The following BACH1 variants were observed in gnomAD, a reference collection of about 807,000 sequenced individuals.
BACH1 encodes the protein BTB domain and CNC homolog 1.
BACH1 carries 35 observed loss-of-function variants against 52.9 expected under a neutral mutation model. The observed-to-expected ratio is 0.66, with a 90% CI of 0.51 to 0.88. The LOEUF is 0.88. Among genes scored for constraint, BACH1 ranks in the 40% least tolerant of loss-of-function variants. BACH1 has a pLI of 0.00. For missense variants in BACH1, 808 were observed against 872.6 expected (o/e 0.93, Z 0.93); for synonymous variants, 321 against 319.6 (o/e 1.00, Z -0.05).
intron 2 of BACH1, among the ~76,000 whole-genome samples, chr21:29,360,648 C>T (rs2089265542): frequency 6.6e-6 from 1 of 152,088 alleles, no homozygotes. Context: ...AGTTCAAGAC[C>T]AGTCTGGCCA....
chr21:29,308,509 C>T (rs1429974307), intron 1 of BACH1, among the ~76,000 whole-genome samples: 1 of 151,976 alleles, frequency 6.6e-6, no homozygotes, highest in African/African-American at 2.4e-5. Context: ...CTCCCTCCAC[C>T]CTCACCCCCC....
At position 29,358,467 on chromosome 21, in the gene BACH1, C is replaced by T. The variant is rs1394877737; in HGVS notation, c.472+28774C>T. Among the ~76,000 whole-genome samples, 9 of 152,240 alleles carry T rather than the reference C, an allele frequency of 5.9e-5. No homozygotes were observed. The East Asian group carries it at 9.6e-4, about 16-fold the overall frequency. On this transcript the variant is annotated intron_variant, in intron 2 of 4. Coordinates refer to the BACH1 transcript ENST00000422809. ...TTAGAAATATAAAAAGTGGGCTGGG[C>T]GCCGTGGCTCACGCCTGTAATCCCA...
chr21:29,312,577 C>T (rs2088738252), intron 1 of BACH1, among the ~76,000 whole-genome samples: 1 of 152,072 alleles, frequency 6.6e-6, no homozygotes, highest in Non-Finnish European at 1.5e-5. Flanking sequence ...GCAGAATTCA[C>T]GGTTGATATT....
intron 2 of BACH1, among the ~76,000 whole-genome samples, chr21:29,355,218 A>G (rs1376181987): frequency 6.6e-6 from 1 of 152,102 alleles, no homozygotes; most frequent in East Asian, 1.9e-4. Flanking sequence ...TGGTGCGTTT[A>G]CAAACCTTTA....
At chr21:29,337,009 G>A (rs2089053311) in intron 4 of BACH1, among the ~76,000 whole-genome samples, 1 of 151,956 alleles carries the variant, frequency 6.6e-6, no homozygotes, top group South Asian at 2.1e-4. Context: ...CCCACTCTTT[G>A]GAATCACAGT....
chr21:29,358,471 G>A (rs933956305), intron 2 of BACH1, among the ~76,000 whole-genome samples: 4 of 152,168 alleles, frequency 2.6e-5, no homozygotes, highest in East Asian at 1.9e-4. Flanking sequence ...GCTGGGCGCC[G>A]TGGCTCACGC....
At chr21:29,334,531 T>C (rs1202218183) in intron 4 of BACH1, among the ~76,000 whole-genome samples, 1 of 152,234 alleles carries the variant, frequency 6.6e-6, no homozygotes, top group Admixed American at 6.5e-5. Flanking sequence ...ATTCAGAAGT[T>C]AGAAAATATA....
At chr21:29,327,695 C>T (rs1486459577) in intron 3 of BACH1, among the ~76,000 whole-genome samples, 1 of 152,092 alleles carries the variant, frequency 6.6e-6, no homozygotes, top group African/African-American at 2.4e-5. Flanking sequence ...GTGGTGGGTG[C>T]CTGTAATCCC....
At chr21:29,358,805 A>AGAAAGAAG (rs2089253423) in intron 2 of BACH1, among the ~76,000 whole-genome samples, 1 of 134,170 alleles carries the variant, frequency 7.5e-6, no homozygotes, top group Non-Finnish European at 1.8e-5. Flanking sequence ...AAAGAAAGAA[A>AGAAAGAAG]GAAAGAAAGA....
chr21:29,340,825 C>T (rs954558150), intron 4 of BACH1, among the ~76,000 whole-genome samples: 3 of 152,000 alleles, frequency 2.0e-5, no homozygotes, highest in Admixed American at 6.6e-5. Context: ...CAGTAGGTAC[C>T]GTTCTTGCCC....
chr21:29,358,045 T>C (rs2089245665), intron 2 of BACH1, among the ~76,000 whole-genome samples: 1 of 152,186 alleles, frequency 6.6e-6, no homozygotes, highest in Non-Finnish European at 1.5e-5. Context: ...CCTTTCCTTA[T>C]ACTTCCCTGC....
chr21:29,329,967 T>G (rs1366872612), intron 4 of BACH1, among the ~76,000 whole-genome samples: 3 of 152,190 alleles, frequency 2.0e-5, no homozygotes, highest in African/African-American at 7.2e-5. Context: ...GTTCTCTGTT[T>G]TGTGTCTATA....
At chr21:29,327,824 A>G (rs556310756) in intron 3 of BACH1, among the ~76,000 whole-genome samples, 18 of 152,194 alleles carry the variant, frequency 1.2e-4, no homozygotes, top group Non-Finnish European at 1.5e-5. Context: ...GTCTCAAAAA[A>G]TTTTTTAAAA....
chr21:29,310,642 C>T (rs987379301), intron 1 of BACH1, among the ~76,000 whole-genome samples: 2 of 152,132 alleles, frequency 1.3e-5, no homozygotes, highest in African/African-American at 4.8e-5. Context: ...AAAGAAGAAA[C>T]CAGAGGATTG....
intron 4 of BACH1, among the ~76,000 whole-genome samples, chr21:29,341,763 G>A (rs2089115856): frequency 6.6e-6 from 1 of 152,168 alleles, no homozygotes; most frequent in South Asian, 2.1e-4. Context: ...ATCAAGAGAG[G>A]TGTTGTGTGG....
At chr21:29,304,588 T>G (rs1452308708) in intron 1 of BACH1, among the ~76,000 whole-genome samples, 1 of 152,212 alleles carries the variant, frequency 6.6e-6, no homozygotes, top group Non-Finnish European at 1.5e-5. Context: ...AGCCTGGACA[T>G]TAGTAATAGC....
At chr21:29,329,880 C>T (rs2088961053) in intron 4 of BACH1, among the ~76,000 whole-genome samples, 187 bp downstream of exon 4, 1 of 151,816 alleles carries the variant, frequency 6.6e-6, no homozygotes, top group Non-Finnish European at 1.5e-5. Context: ...AGAAGGTTTT[C>T]AAATTAAGAA....
In BACH1 at chr21:29,323,392, A is replaced by G. The variant is rs570679568; in HGVS notation, c.234+1878A>G. On this transcript the variant is annotated intron_variant, in intron 2 of 4. Coordinates refer to ENST00000286800, the MANE Select transcript of BACH1 (RefSeq NM_001186.4). Reference sequence around the variant, plus strand: ...CCTTCAGTCTGTGGCCAAAGGCCCAAGAGCCCTCGGCAAACCGCTGGTGTA... The same window carrying G: ...CCTTCAGTCTGTGGCCAAAGGCCCAGGAGCCCTCGGCAAACCGCTGGTGTA... Among the ~76,000 whole-genome samples the G allele has an allele frequency of 4.7e-4, 72 of 152,316 alleles. 1 individual carries two copies. Among genetic ancestry groups the G allele is most frequent in the African/African-American group, 1.5e-3 (64 of 41,566 alleles).
At chr21:29,335,677 G>C (rs2089036271) in intron 4 of BACH1, among the ~76,000 whole-genome samples, 2 of 152,098 alleles carry the variant, frequency 1.3e-5, no homozygotes, top group African/African-American at 4.8e-5. Flanking sequence ...TCTCTATCTT[G>C]ATCTTTCCGC....
Sources: gnomAD v4.1 joint callset for allele counts (sites outside exome capture counted in the v4.1 genomes callset) on GRCh38, gnomAD v4.1.1 for gene constraint, MANE v1.5 for transcripts, NCBI Gene and HGNC (gene_info 2026-07-23, HGNC 2026-07-21) for gene names.